IVD: variants seen among roughly 807,000 people sequenced by gnomAD.
IVD encodes isovaleryl-CoA dehydrogenase, mitochondrial.
A neutral mutation model predicts 51.3 loss-of-function variants in IVD; 31 were observed. The ratio of observed to expected loss-of-function variants is 0.60; its 90% CI spans 0.45 to 0.81. The LOEUF (loss-of-function observed/expected upper bound fraction) is 0.81. Ranked by LOEUF, IVD falls within the 40% of genes least tolerant of loss-of-function variation. The pLI is 0.00. For missense variants in IVD, 475 were observed against 552.0 expected (o/e 0.86, Z 1.40); for synonymous variants, 205 against 219.4 (o/e 0.93, Z 0.58).
rs1189453905 is a variant in IVD, at chr15:40,431,144, CT to C, written c.720-2701del. Among the ~76,000 whole-genome samples the C allele has an allele frequency of 2.6e-3, 350 of 136,688 alleles. 1 individual carries two copies. The highest frequency in any genetic ancestry group is 8.9e-3 in the African/African-American group (333 of 37,410). 89.7% of individuals were successfully genotyped at this position (136,688 alleles called of 152,430 possible). ...ATTATTACGCTTTTTTTTTTTTTGT[CT>C]TTTTTTTTCTTCCTTTTTGTGGAGA... On this transcript the variant is annotated intron_variant, in intron 7 of 8. Transcript: ENST00000473112.
At chr15:40,414,772 T>G (rs1357197654) in intron 7 of IVD, 117 bp from the exon 8 acceptor site, 58 of 1,508,504 alleles carry the variant, frequency 3.8e-5, no homozygotes, top group Non-Finnish European at 4.8e-5. Flanking sequence ...TGAATAAAGG[T>G]CAAGTGACAT....
At chr15:40,424,520 C>T (rs753376690), downstream of IVD, 1 of 231,424 alleles carries the variant, frequency 4.3e-6, no homozygotes, top group Non-Finnish European at 8.6e-6. Flanking sequence ...GATGGGTCCC[C>T]TTTCTCCTTC....
At chr15:40,417,561 T>G (rs1239452559) in intron 11 of IVD, among the ~76,000 whole-genome samples, 1 of 150,048 alleles carries the variant, frequency 6.7e-6, no homozygotes, top group Non-Finnish European at 1.5e-5. Flanking sequence ...AAGTTTCAAA[T>G]CCACACCATC....
At chr15:40,426,031 C>T (rs1221928725), downstream of IVD, among the ~76,000 whole-genome samples, 1 of 151,348 alleles carries the variant, frequency 6.6e-6, no homozygotes, top group Admixed American at 6.6e-5. Flanking sequence ...GGCTGGTCTC[C>T]TGAGCTCAAG....
Position 40,407,718 on chromosome 15 carries a change from A to G in IVD, c.227A>G (p.Asn76Ser), listed in dbSNP as rs1398705262. ...QEIDRSNEFKNLREFWKQLGN... is the reference protein window; with the variant it reads ...QEIDRSNEFKSLREFWKQLGN... ...ATCGATCGCAGCAATGAGTTCAAGA[A>G]CCTGCGAGTGAGTTGGGAGGTCCGG... Residue 76 changes from asparagine to serine, a missense_variant, in exon 2 of 12, where the codon AAC (asparagine) becomes AGC (serine). Physicochemically the swap from Asn to Ser is conservative, Grantham distance 46 (BLOSUM62 1). Transcript: ENST00000487418. The G allele has an allele frequency of 1.9e-6, 3 of 1,614,058 alleles. No individual in the cohort carries two copies. Among genetic ancestry groups the G allele is most frequent in the Admixed American group, 3.3e-5 (2 of 60,030 alleles).
chr15:40,418,589 G>A lies in IVD; in HGVS notation c.*326G>A. On this transcript the variant is annotated 3_prime_UTR_variant, in exon 12 of 12. Coordinates refer to ENST00000487418, the MANE Select transcript of IVD (RefSeq NM_002225.5). ...CCCACCTCCCAGGGTAGGCACCTGG[G>A]GGCATGCAGGTGCCCACCTCCCAGG... 1 of 918,570 alleles carries A rather than the reference G, an allele frequency of 1.1e-6. No homozygotes were observed. Among genetic ancestry groups the A allele is most frequent in the South Asian group, 2.0e-5 (1 of 49,340 alleles). 56.9% of individuals were successfully genotyped at this position (918,570 alleles called of 1,614,324 possible). A position where few individuals can be genotyped will look rare whatever the true frequency, so the allele number is the denominator to read the frequency against.
At chr15:40,426,184 A>G (rs1892662776), downstream of IVD, among the ~76,000 whole-genome samples, 1 of 152,058 alleles carries the variant, frequency 6.6e-6, no homozygotes, top group African/African-American at 2.4e-5. Flanking sequence ...AAATACAACA[A>G]TTTAATTGTC....
At chr15:40,435,542 C>T in exon 9 of IVD, 4 of 1,197,508 alleles carry the variant, frequency 3.3e-6, no homozygotes, top group Non-Finnish European at 4.3e-6. Flanking sequence ...ACTCACACCC[C>T]GCGTGCTGCT....
At chr15:40,406,828 A>G (rs1489227223) in intron 1 of IVD, among the ~76,000 whole-genome samples, 2 of 151,498 alleles carry the variant, frequency 1.3e-5, no homozygotes, top group East Asian at 3.9e-4. Flanking sequence ...CCCTATTCTC[A>G]AGCTTTCCTG....
rs1228507316 is a variant in IVD at position 40,418,274 on chromosome 15, C to G, written c.*11C>G. The G allele has an allele frequency of 6.2e-7, 1 of 1,613,834 alleles. No individual in the cohort carries two copies. The highest frequency in any genetic ancestry group is 1.3e-5 in the African/African-American group (1 of 75,046). ...GCAGACTTTCACTAGTCCTGAGACCCTTCGCCCCCTTTTCCTGCACCTAGT... is the reference window on the plus strand; with the variant it reads ...GCAGACTTTCACTAGTCCTGAGACCGTTCGCCCCCTTTTCCTGCACCTAGT... On this transcript the variant is annotated 3_prime_UTR_variant, in exon 12 of 12. Coordinates refer to ENST00000487418, the MANE Select transcript of IVD (RefSeq NM_002225.5).
At chr15:40,406,112 G>T in intron 1 of IVD, 141 bp downstream of exon 1, 2 of 1,539,892 alleles carry the variant, frequency 1.3e-6, no homozygotes, top group Non-Finnish European at 8.8e-7. Flanking sequence ...CGCCAGCGCG[G>T]GGGCGGGACG....
chr15:40,416,303 T>C lies in IVD; in HGVS notation c.1079T>C (p.Val360Ala). 6.2e-7 allele frequency: 1 copy of C among 1,614,204 alleles called. No homozygotes were observed. Among genetic ancestry groups the C allele is most frequent in the Non-Finnish European group, 8.5e-7 (1 of 1,180,032 alleles). Residue 360 changes from valine to alanine, a missense_variant, in exon 11 of 12, where the codon GTG becomes GCG. Transcript: ENST00000487418. The part of the protein sequence containing the change: ...GHCTAKDCAG[V>A]ILYSAECATQ... ...TTCCTCCCGTAGGACTGTGCAGGTG[T>C]GATTCTTTACTCAGCTGAGTGTGCC...
intron 3 of IVD, 122 bp downstream of exon 3, chr15:40,408,112 G>T: frequency 1.1e-6 from 1 of 891,856 alleles, no homozygotes. Context: ...GCATCTTTTG[G>T]ACCTGTGAAA....
downstream of IVD, among the ~76,000 whole-genome samples, chr15:40,428,434 G>A (rs1892790915): frequency 6.6e-6 from 1 of 152,112 alleles, no homozygotes; most frequent in Non-Finnish European, 1.5e-5. Context: ...TGGAGAAGCA[G>A]GTGGTTGTGA....
rs540269821 is a variant in IVD at position 40,419,237 on chromosome 15, A to G, written c.*974A>G. 44 of 1,288,760 alleles carry G rather than the reference A, an allele frequency of 3.4e-5. No homozygotes were observed. In the African/African-American group the frequency reaches 5.6e-4, roughly 16 times the overall value. The allele number at this position is 1,288,760 out of a possible 1,614,324, so 79.8% of individuals were successfully genotyped here. ...AACACATATGCTTGCTTGGCCAGGC[A>G]AGGTGGTGTGTGCCTGTAATCCCAG... On this transcript the variant is annotated 3_prime_UTR_variant, in exon 12 of 12. Coordinates refer to ENST00000487418, the MANE Select transcript of IVD (RefSeq NM_002225.5).
downstream of IVD, among the ~76,000 whole-genome samples, chr15:40,422,579 G>T (rs1400457670): frequency 1.4e-5 from 1 of 70,576 alleles, no homozygotes; most frequent in Non-Finnish European, 2.8e-5. Flanking sequence ...CACCGCGCCC[G>T]GCCGACTTTT....
rs191154072 is a variant in IVD at position 40,413,202 on chromosome 15, C to T, written c.784+115C>T. Reference sequence around the variant, plus strand: ...GAGAGGCTTGGCATTGTTAGCGCTTCAGTGACATGTGGCTAGGCTGTGAGC... The same window carrying T: ...GAGAGGCTTGGCATTGTTAGCGCTTTAGTGACATGTGGCTAGGCTGTGAGC... On this transcript the variant is annotated intron_variant, in intron 7 of 11. Transcript: ENST00000487418. 16 of 836,118 alleles carry T rather than the reference C, an allele frequency of 1.9e-5. No homozygotes were observed. In the East Asian group the frequency reaches 3.5e-4, roughly 18 times the overall value. 51.8% of individuals were successfully genotyped at this position (836,118 alleles called of 1,614,324 possible).
intron 1 of IVD, 112 bp from the exon 2 acceptor site, chr15:40,407,524 C>T: frequency 1.2e-6 from 1 of 814,958 alleles, no homozygotes; most frequent in South Asian, 1.4e-5. Context: ...TGAGGCCTCT[C>T]AGTTTCAGTC....
chr15:40,435,256 C>T (rs1046374531), intron 8 of IVD, among the ~76,000 whole-genome samples: 1 of 152,156 alleles, frequency 6.6e-6, no homozygotes, highest in African/African-American at 2.4e-5. Context: ...GGAAATGACA[C>T]GGATTCTGGG....
Sources: gnomAD v4.1 joint callset for allele counts (sites outside exome capture counted in the v4.1 genomes callset) on GRCh38, gnomAD v4.1.1 for gene constraint, MANE v1.5 for transcripts, NCBI Gene and HGNC (gene_info 2026-07-23, HGNC 2026-07-21) for gene names.